Variants in RSRC1 observed in about 807,000 individuals in gnomAD.
The protein encoded by RSRC1 is arginine and serine rich coiled-coil 1.
RSRC1 carries 39 observed loss-of-function variants against 49.1 expected under a neutral mutation model. The observed-to-expected ratio is 0.79, with a 90% CI of 0.61 to 1.04. The LOEUF (loss-of-function observed/expected upper bound fraction) is 1.04. RSRC1 is among the 50% of genes least tolerant of loss of function. The probability of loss-of-function intolerance (pLI) is 0.00; values close to 1 mark genes in which losing one functional copy is unlikely to be tolerated. For synonymous variants in RSRC1, 143 were observed against 130.8 expected (o/e 1.09, Z -0.63); for missense variants, 388 against 402.4 (o/e 0.96, Z 0.31).
At chr3:158,416,046 A>G (rs1734720762) in intron 6 of RSRC1, among the ~76,000 whole-genome samples, 1 of 152,066 alleles carries the variant, frequency 6.6e-6, no homozygotes, top group Non-Finnish European at 1.5e-5. Context: ...GGTATAACAC[A>G]TACTTGATAC....
chr3:158,441,800 G>A (rs1001797281), intron 6 of RSRC1, among the ~76,000 whole-genome samples: 1 of 152,082 alleles, frequency 6.6e-6, no homozygotes, highest in South Asian at 2.1e-4. Context: ...TCACCATGGT[G>A]AGAGAAGTAT....
intron 3 of RSRC1, among the ~76,000 whole-genome samples, chr3:158,183,874 A>T (rs958986284): frequency 2.0e-5 from 3 of 152,140 alleles, no homozygotes; most frequent in Admixed American, 6.6e-5. Context: ...ATGGCACTGC[A>T]TTTCAGATTG....
chr3:158,375,913 G>C (rs1174590305), intron 6 of RSRC1, among the ~76,000 whole-genome samples: 1 of 152,176 alleles, frequency 6.6e-6, no homozygotes, highest in Non-Finnish European at 1.5e-5. Flanking sequence ...AGGCACCAGG[G>C]ACCAGGTGGT....
At chr3:158,292,331 T>C (rs578258094) in intron 4 of RSRC1, among the ~76,000 whole-genome samples, 1 of 152,292 alleles carries the variant, frequency 6.6e-6, no homozygotes, top group Admixed American at 6.5e-5. Context: ...ATATTAATTA[T>C]TTAATATTGC....
chr3:158,284,140 G>A (rs1420398818), intron 4 of RSRC1, among the ~76,000 whole-genome samples: 4 of 151,188 alleles, frequency 2.6e-5, no homozygotes, highest in Non-Finnish European at 5.9e-5. Flanking sequence ...AGAATATGTG[G>A]TGTTTGGTTT....
chr3:158,476,514 C>G (rs1738375200), intron 7 of RSRC1, among the ~76,000 whole-genome samples: 1 of 152,072 alleles, frequency 6.6e-6, no homozygotes. Flanking sequence ...ATTTCCCATT[C>G]CAAAAATCCT....
At chr3:158,365,436 A>T (rs906368089) in intron 6 of RSRC1, among the ~76,000 whole-genome samples, 9 of 152,068 alleles carry the variant, frequency 5.9e-5, no homozygotes, top group African/African-American at 2.2e-4. Flanking sequence ...GCTGAGAATG[A>T]TGGTTTCCAG....
chr3:158,229,357 C>CGT (rs1722802821), intron 4 of RSRC1, among the ~76,000 whole-genome samples: 2 of 84,936 alleles, frequency 2.4e-5, no homozygotes, highest in African/African-American at 6.7e-5. Context: ...TATATATACA[C>CGT]ATATACACAC....
Position 158,470,718 on chromosome 3 carries a change from A to G in RSRC1, c.652+9715A>G, listed in dbSNP as rs79869724. Reference sequence around the variant, plus strand: ...AATAGAGAAAGCTGAATTTATGTATATAAAACCATAATCTAATCAATTCTT... The same window carrying G: ...AATAGAGAAAGCTGAATTTATGTATGTAAAACCATAATCTAATCAATTCTT... On this transcript the variant is annotated intron_variant, in intron 7 of 9. Coordinates refer to ENST00000611884, the MANE Select transcript of RSRC1 (RefSeq NM_001271838.2). 6.6e-5 allele frequency among the ~76,000 whole-genome samples: 10 copies of G among 152,320 alleles called. No individual in the cohort carries two copies. In the East Asian group the frequency reaches 1.7e-3, roughly 26 times the overall value.
At chr3:158,347,478 G>A (rs983521984) in intron 5 of RSRC1, among the ~76,000 whole-genome samples, 4 of 152,110 alleles carry the variant, frequency 2.6e-5, no homozygotes, top group African/African-American at 9.7e-5. Context: ...TTTGTATAAA[G>A]AGAACATATG....
intron 6 of RSRC1, among the ~76,000 whole-genome samples, chr3:158,389,047 A>G (rs753313349): frequency 2.7e-4 from 41 of 152,366 alleles, no homozygotes; most frequent in African/African-American, 9.9e-4. Context: ...TATAGAAAAA[A>G]AACAGATTAT....
chr3:158,344,219 A>G (rs1730422052), intron 5 of RSRC1, among the ~76,000 whole-genome samples: 1 of 152,212 alleles, frequency 6.6e-6, no homozygotes, highest in African/African-American at 2.4e-5. Flanking sequence ...AGATAGTGCC[A>G]TTGCACTTCA....
At chr3:158,538,751 A>G (rs968399080) in intron 8 of RSRC1, among the ~76,000 whole-genome samples, 1 of 151,950 alleles carries the variant, frequency 6.6e-6, no homozygotes, top group African/African-American at 2.4e-5. Flanking sequence ...AATATGCTAT[A>G]AAGCTTCATA....
intron 7 of RSRC1, among the ~76,000 whole-genome samples, chr3:158,512,027 T>C (rs1414055775): frequency 6.8e-6 from 1 of 146,864 alleles, no homozygotes; most frequent in Admixed American, 6.9e-5. Flanking sequence ...TAGCCCTTTG[T>C]CAGATGAGTA....
At chr3:158,118,446 TGTGTGTGTGTGTGTGTGC>T (rs1239161543) in intron 1 of RSRC1, among the ~76,000 whole-genome samples, 4 of 137,078 alleles carry the variant, frequency 2.9e-5, no homozygotes, top group African/African-American at 1.1e-4. Flanking sequence ...TGTGTGTGTG[TGTGTGTGTGTGTGTGTGC>T]GCGTGCGCGT....
intron 3 of RSRC1, among the ~76,000 whole-genome samples, chr3:158,164,576 G>A (rs1338836198): frequency 4.0e-5 from 6 of 151,722 alleles, no homozygotes; most frequent in South Asian, 2.1e-4. Context: ...ACTTTGTGGC[G>A]CAGAATTATA....
At chr3:158,296,173 AT>A (rs1379478987) in intron 4 of RSRC1, among the ~76,000 whole-genome samples, 1 of 152,134 alleles carries the variant, frequency 6.6e-6, no homozygotes, top group African/African-American at 2.4e-5. Flanking sequence ...AATAAGAACC[AT>A]TTTGTGACAA....
At chr3:158,264,226 G>A (rs1156904021) in intron 4 of RSRC1, among the ~76,000 whole-genome samples, 1 of 151,844 alleles carries the variant, frequency 6.6e-6, no homozygotes, top group African/African-American at 2.4e-5. Flanking sequence ...TTATGTTTTT[G>A]TTTCATTGAA....
intron 7 of RSRC1, among the ~76,000 whole-genome samples, chr3:158,514,856 CT>C (rs1394247259): frequency 2.0e-5 from 3 of 152,184 alleles, no homozygotes; most frequent in African/African-American, 7.2e-5. Context: ...GAATTGATCC[CT>C]TTACCATTAT....
Sources: gnomAD v4.1 joint callset for allele counts (sites outside exome capture counted in the v4.1 genomes callset) on GRCh38, gnomAD v4.1.1 for gene constraint, MANE v1.5 for transcripts, NCBI Gene and HGNC (gene_info 2026-07-23, HGNC 2026-07-21) for gene names.